Variants in TOP1 observed in about 807,000 individuals in gnomAD.
TOP1 encodes DNA topoisomerase 1.
A neutral mutation model predicts 111.1 loss-of-function variants in TOP1; 10 were observed. That is an observed-to-expected ratio of 0.09 (90% CI 0.06 to 0.15). The LOEUF (loss-of-function observed/expected upper bound fraction) is 0.15, where lower values mean the gene tolerates loss of function less well. Ranked by LOEUF, TOP1 falls within the 10% of genes least tolerant of loss-of-function variation. The pLI is 1.00. For synonymous variants in TOP1, 271 were observed against 302.9 expected, an observed-to-expected ratio of 0.89 and a Z score of 1.10; for missense variants, 474 against 926.7, an observed-to-expected ratio of 0.51 and a Z score of 6.34.
Position 41,032,809 on chromosome 20 carries a change from G to A in TOP1, c.58+3354G>A, listed in dbSNP as rs1386988066. On this transcript the variant is annotated intron_variant, in intron 2 of 20. Transcript: ENST00000361337. This position sits in a 1 kb window ranked among gnomAD's most constrained non-coding sequence, Gnocchi z 4.3. The stretch of plus-strand genomic sequence containing the variant: ...CTGTCTGTTGGGTATGGGTTGGGAT[G>A]GGCGGTAGCATAGCTGATTGCGGTG... 6.6e-6 allele frequency among the ~76,000 whole-genome samples: 1 copy of A among 152,218 alleles called. No homozygotes were observed. The highest frequency in any genetic ancestry group is 1.5e-5 in the Non-Finnish European group (1 of 68,042).
intron 6 of TOP1, 119 bp from the exon 7 acceptor site, chr20:41,081,046 G>A: frequency 3.6e-6 from 3 of 838,510 alleles, no homozygotes; most frequent in Non-Finnish European, 3.6e-6. Context: ...AGAATGCCCA[G>A]CCAAGAATAA....
chr20:41,122,034 C>G lies in TOP1; in HGVS notation c.2074C>G (p.Gln692Glu). ...AGTAGAGTCAAAGAAGAAGGCTGTT[C>G]AGAGACTGGAGGAACAGTTGATGAA... ...KVVESKKKAV[Q>E]RLEEQLMKLE... The change falls in exon 20 of 21, where the codon CAG becomes GAG. Residue 692 changes from glutamine (Q) to glutamate (E), a missense_variant. Around this residue, in one of 14 missense-constraint regions of TOP1, gnomAD observed 36 missense variants for 42.3 expected, o/e 0.85. Transcript: ENST00000361337. The surrounding 1 kb of genome is among the most constrained non-coding windows in gnomAD (Gnocchi z 5.4). 1 of 1,614,024 alleles carries G rather than the reference C, an allele frequency of 6.2e-7. No homozygotes were observed. Among genetic ancestry groups the G allele is most frequent in the Non-Finnish European group, 8.5e-7 (1 of 1,180,024 alleles).
At position 41,102,819 on chromosome 20, in the gene TOP1, C is replaced by A. The variant is rs1018670541; in HGVS notation, c.1308+1466C>A. 4.6e-5 allele frequency among the ~76,000 whole-genome samples: 7 copies of A among 151,992 alleles called. No individual in the cohort carries two copies. The East Asian group carries it at 1.4e-3, about 29-fold the overall frequency. The stretch of plus-strand genomic sequence containing the variant: ...CTTAAGGAACTTATAGGCTGGTGGG[C>A]AAATCAGGTAAGAATTCAGTTGTAT... On this transcript the variant is annotated intron_variant, in intron 13 of 20. Transcript: ENST00000361337. This position sits in a 1 kb window ranked among gnomAD's most constrained non-coding sequence, Gnocchi z 4.0.
At position 41,097,113 on chromosome 20, in the gene TOP1, T is replaced by C. The variant is rs2033992425; in HGVS notation, c.731-107T>C. On this transcript the variant is annotated intron_variant, in intron 9 of 20. Transcript: ENST00000361337. The surrounding 1 kb of genome is among the most constrained non-coding windows in gnomAD (Gnocchi z 4.2). ...TACTATGTGTCACCAGACCTTTATA[T>C]ACCATGAGAAGGCAAACCATTATTA... is the stretch of plus-strand genomic sequence containing the variant. The C allele has an allele frequency of 8.1e-7, 1 of 1,234,128 alleles. No homozygotes were observed. The highest frequency in any genetic ancestry group is 2.4e-5 in the East Asian group (1 of 41,998). 76.4% of individuals were successfully genotyped at this position (1,234,128 alleles called of 1,614,324 possible).
intron 3 of TOP1, among the ~76,000 whole-genome samples, 172 bp from the exon 4 acceptor site, chr20:41,075,999 T>C (rs2033722862): frequency 1.3e-5 from 2 of 152,170 alleles, no homozygotes; most frequent in South Asian, 4.1e-4. Flanking sequence ...AATAAAAACA[T>C]CAAACAAGAT....
intron 3 of TOP1, chr20:41,072,583 A>G (rs2033680297): frequency 5.1e-6 from 5 of 985,368 alleles, no homozygotes; most frequent in Non-Finnish European, 6.0e-6. Flanking sequence ...CGCCTTTGCT[A>G]CTTCCTTCAG....
rs142742700 is a variant in TOP1 at position 41,055,781 on chromosome 20, T to C, written c.59-5613T>C. 1.6e-4 allele frequency among the ~76,000 whole-genome samples: 24 copies of C among 152,354 alleles called. No homozygotes were observed. In the East Asian group the frequency reaches 4.2e-3, roughly 27 times the overall value. ...TTTCCTTCCTTCTTAGTTCCTTTGC[T>C]GTCACTTTTTTTGTAGATTGCTTCA... On this transcript the variant is annotated intron_variant, in intron 2 of 20. Coordinates refer to ENST00000361337, the MANE Select transcript of TOP1 (RefSeq NM_003286.4).
In TOP1 at chr20:41,102,989, G is replaced by A. The variant is rs2034088393; in HGVS notation, c.1308+1636G>A. 1.3e-5 allele frequency among the ~76,000 whole-genome samples: 2 copies of A among 152,136 alleles called. No homozygotes were observed. The highest frequency in any genetic ancestry group is 4.8e-5 in the African/African-American group (2 of 41,432). On this transcript the variant is annotated intron_variant, in intron 13 of 20. Transcript: ENST00000361337. This position sits in a 1 kb window ranked among gnomAD's most constrained non-coding sequence, Gnocchi z 4.0. Reference sequence around the variant, plus strand: ...TTCAAACAAGAGAGAACTGTGTCGTGGACAAAGGGGAGGGTGGTAAGCAGA... The same window carrying A: ...TTCAAACAAGAGAGAACTGTGTCGTAGACAAAGGGGAGGGTGGTAAGCAGA...
Position 41,121,028 on chromosome 20 carries a change from C to T in TOP1, c.1951-668C>T, listed in dbSNP as rs1031614241. On this transcript the variant is annotated intron_variant, in intron 18 of 20. Coordinates refer to ENST00000361337, the MANE Select transcript of TOP1 (RefSeq NM_003286.4). This position sits in a 1 kb window ranked among gnomAD's most constrained non-coding sequence, Gnocchi z 4.2. Reference sequence around the variant, plus strand: ...AAGTGCTGGGATTACAGGCGTGAGACACCGCGCCTGGTGACCGCTCTCCTT... The same window carrying T: ...AAGTGCTGGGATTACAGGCGTGAGATACCGCGCCTGGTGACCGCTCTCCTT... Among the ~76,000 whole-genome samples the T allele has an allele frequency of 1.3e-5, 2 of 152,218 alleles. No homozygotes were observed. The highest frequency in any genetic ancestry group is 4.8e-5 in the African/African-American group (2 of 41,448).
At chr20:41,042,455 A>T (rs927356897) in intron 2 of TOP1, among the ~76,000 whole-genome samples, 10 of 152,240 alleles carry the variant, frequency 6.6e-5, no homozygotes, top group African/African-American at 2.2e-4. Context: ...CAAGCAGAGC[A>T]CAATGAGCAG....
At chr20:41,062,029 A>G (rs1009494896) in intron 3 of TOP1, among the ~76,000 whole-genome samples, 3 of 152,218 alleles carry the variant, frequency 2.0e-5, no homozygotes, top group Admixed American at 6.5e-5. Flanking sequence ...ACAATCACCA[A>G]TATGAATGAA....
chr20:41,089,336 G>A (rs557451201), intron 8 of TOP1, among the ~76,000 whole-genome samples: 1 of 152,104 alleles, frequency 6.6e-6, no homozygotes, highest in African/African-American at 2.4e-5. Flanking sequence ...TATTCCCCCA[G>A]TTCTTGGTAA....
intron 2 of TOP1, among the ~76,000 whole-genome samples, chr20:41,037,944 T>G (rs895409970): frequency 6.6e-6 from 1 of 152,172 alleles, no homozygotes; most frequent in Non-Finnish European, 1.5e-5. Context: ...GGGCCTAATT[T>G]TAAAGAGTCT....
rs185381466 is a variant in TOP1, at chr20:41,034,164, G to A, written c.58+4709G>A. ...AACAGTTGACACATGGATTTCTTAAGGTAAAAAGTTTAGAGACTTCCAAAC... is the reference window on the plus strand; with the variant it reads ...AACAGTTGACACATGGATTTCTTAAAGTAAAAAGTTTAGAGACTTCCAAAC... On this transcript the variant is annotated intron_variant, in intron 2 of 20. Coordinates refer to ENST00000361337, the MANE Select transcript of TOP1 (RefSeq NM_003286.4). This position sits in a 1 kb window ranked among gnomAD's most constrained non-coding sequence, Gnocchi z 4.0. Among the ~76,000 whole-genome samples the A allele has an allele frequency of 2.5e-3, 375 of 152,292 alleles. No individual in the cohort carries two copies. Among genetic ancestry groups the A allele is most frequent in the African/African-American group, 8.4e-3 (350 of 41,546 alleles).
rs1004685788 is a variant in TOP1, at chr20:41,112,535, C to T, written c.1309-247C>T. ...CTCTCTTCAGTACTATTCTTTTTTA[C>T]GTTTGCTTAAGGTCAAGTTCCTGCT... On this transcript the variant is annotated intron_variant, in intron 13 of 20. Coordinates refer to ENST00000361337, the MANE Select transcript of TOP1 (RefSeq NM_003286.4). This position sits in a 1 kb window ranked among gnomAD's most constrained non-coding sequence, Gnocchi z 5.8. 5.3e-5 allele frequency among the ~76,000 whole-genome samples: 8 copies of T among 152,282 alleles called. No homozygotes were observed. Among genetic ancestry groups the T allele is most frequent in the South Asian group, 2.1e-4 (1 of 4,824 alleles).
In TOP1 at chr20:41,032,014, T is replaced by C. The variant is rs974409778; in HGVS notation, c.58+2559T>C. ...CTTGCTATCTCAAGTAATACATTGT[T>C]AACCAGTGATTGATTTATGTAACTA... On this transcript the variant is annotated intron_variant, in intron 2 of 20. Transcript: ENST00000361337. This position sits in a 1 kb window ranked among gnomAD's most constrained non-coding sequence, Gnocchi z 4.3. Among the ~76,000 whole-genome samples the C allele has an allele frequency of 5.3e-5, 8 of 152,216 alleles. No individual in the cohort carries two copies. Among genetic ancestry groups the C allele is most frequent in the African/African-American group, 1.4e-4 (6 of 41,458 alleles).
At chr20:41,074,178 G>T (rs1195623008) in intron 3 of TOP1, among the ~76,000 whole-genome samples, 1 of 151,620 alleles carries the variant, frequency 6.6e-6, no homozygotes, top group Non-Finnish European at 1.5e-5. Context: ...TAATGCAATT[G>T]GAAGACTTTT....
At chr20:41,073,349 A>G (rs1600572932) in intron 3 of TOP1, 1 of 981,952 alleles carries the variant, frequency 1.0e-6, no homozygotes, top group East Asian at 1.1e-4. Context: ...TGAATTAGCC[A>G]TTTATAGTTT....
intron 2 of TOP1, among the ~76,000 whole-genome samples, chr20:41,037,415 C>T (rs925969778): frequency 1.1e-4 from 17 of 152,136 alleles, no homozygotes; most frequent in Non-Finnish European, 2.2e-4. Context: ...TCCCCCAAAA[C>T]GTTTTTAAAT....
Sources: allele counts gnomAD v4.1 joint callset (sites outside exome capture counted in the v4.1 genomes callset), GRCh38; gene constraint gnomAD v4.1.1; regional missense constraint gnomAD v4.1.1; non-coding constraint Gnocchi (gnomAD v3.1); transcripts MANE v1.5; gene names NCBI Gene and HGNC (gene_info 2026-07-23, HGNC 2026-07-21).